Variants in ZNF892 observed in about 807,000 individuals in gnomAD.
The protein encoded by ZNF892 is zinc finger protein 892.
the ZNF892 span, among the ~76,000 whole-genome samples, chr2:95,246,765 A>G: frequency 2.6e-5 from 4 of 152,210 alleles, no homozygotes; most frequent in Admixed American, 6.5e-5. Flanking sequence ...CATAATGGCT[A>G]TAAAAAGAAT....
the ZNF892 span, chr2:95,214,829 T>C: frequency 4.1e-6 from 2 of 488,458 alleles, no homozygotes; most frequent in East Asian, 6.3e-5. Flanking sequence ...TACACCTTAC[T>C]CTGCACCAGA....
the ZNF892 span, among the ~76,000 whole-genome samples, chr2:95,258,108 G>T: frequency 6.6e-6 from 1 of 152,182 alleles, no homozygotes; most frequent in Non-Finnish European, 1.5e-5. Context: ...CCAGTGAGAT[G>T]AACCTGGTAC....
At chr2:95,254,619 T>C in the ZNF892 span, among the ~76,000 whole-genome samples, 1 of 152,218 alleles carries the variant, frequency 6.6e-6, no homozygotes. Flanking sequence ...GAGGATTCCC[T>C]CTTTTTCTAT....
the ZNF892 span, among the ~76,000 whole-genome samples, chr2:95,219,883 G>A: frequency 1.3e-5 from 2 of 152,182 alleles, no homozygotes; most frequent in Admixed American, 1.3e-4. Flanking sequence ...GGCCTCTGCT[G>A]ACACCACACT....
chr2:95,242,595 A>G, the ZNF892 span, among the ~76,000 whole-genome samples: 5 of 152,214 alleles, frequency 3.3e-5, no homozygotes, highest in East Asian at 1.9e-4. Context: ...CAAGTCTGCA[A>G]TATAACCAGC....
At chr2:95,254,070 ATTTCT>A in the ZNF892 span, among the ~76,000 whole-genome samples, 1 of 152,080 alleles carries the variant, frequency 6.6e-6, no homozygotes, top group South Asian at 2.1e-4. Flanking sequence ...AATACCCTTT[ATTTCT>A]TTCTCCTGCC....
At chr2:95,216,424 G>C in the ZNF892 span, among the ~76,000 whole-genome samples, 12 of 152,208 alleles carry the variant, frequency 7.9e-5, no homozygotes, top group Non-Finnish European at 1.6e-4. Flanking sequence ...AGTTATCTGA[G>C]TTACCTGAGA....
chr2:95,245,669 AAATGATAAGGGGGATATC>A, the ZNF892 span, among the ~76,000 whole-genome samples: 1 of 152,058 alleles, frequency 6.6e-6, no homozygotes, highest in Non-Finnish European at 1.5e-5. Flanking sequence ...ACACAATCAG[AAATGATAAGGGGGATATC>A]TTCACTGACC....
the ZNF892 span, chr2:95,211,846 A>G: frequency 2.5e-6 from 1 of 396,944 alleles, no homozygotes; most frequent in African/African-American, 2.1e-5. Context: ...GAGACAGGCA[A>G]TTTCTGCCTT....
chr2:95,222,460 A>G, the ZNF892 span, among the ~76,000 whole-genome samples: 1 of 152,200 alleles, frequency 6.6e-6, no homozygotes, highest in African/African-American at 2.4e-5. Context: ...ACGTATGAAG[A>G]TGTGGTTGCT....
chr2:95,227,814 C>A, the ZNF892 span, among the ~76,000 whole-genome samples: 1 of 151,830 alleles, frequency 6.6e-6, no homozygotes, highest in Non-Finnish European at 1.5e-5. Flanking sequence ...GATAGGGTCT[C>A]GCTATGGTAC....
At chr2:95,239,637 C>T in the ZNF892 span, among the ~76,000 whole-genome samples, 2 of 151,722 alleles carry the variant, frequency 1.3e-5, no homozygotes, top group African/African-American at 2.4e-5. Context: ...CTCACTCTGT[C>T]GCCCAGGCTG....
the ZNF892 span, among the ~76,000 whole-genome samples, chr2:95,246,785 A>G: frequency 6.6e-6 from 1 of 152,238 alleles, no homozygotes; most frequent in Non-Finnish European, 1.5e-5. Context: ...TGAAATACCT[A>G]GGAATACAGC....
At chr2:95,242,574 A>G in the ZNF892 span, among the ~76,000 whole-genome samples, 102 of 152,352 alleles carry the variant, frequency 6.7e-4, 1 homozygote, top group Non-Finnish European at 1.2e-3. Context: ...ACTATGAAGC[A>G]ATTGCATAAA....
chr2:95,241,761 C>T, the ZNF892 span, among the ~76,000 whole-genome samples: 14 of 152,174 alleles, frequency 9.2e-5, no homozygotes, highest in African/African-American at 3.4e-4. Flanking sequence ...TAAAATGATA[C>T]AGGAGCTGAC....
the ZNF892 span, among the ~76,000 whole-genome samples, chr2:95,226,362 T>C: frequency 6.6e-6 from 1 of 152,226 alleles, no homozygotes; most frequent in Non-Finnish European, 1.5e-5. Flanking sequence ...ATTGTCAGTT[T>C]CTGTTGACTG....
chr2:95,234,826 C>T, the ZNF892 span, among the ~76,000 whole-genome samples: 3 of 152,340 alleles, frequency 2.0e-5, no homozygotes, highest in South Asian at 6.2e-4. Flanking sequence ...TGAAAACTAA[C>T]CCTCTTTGGG....
chr2:95,206,525 C>G, the ZNF892 span, among the ~76,000 whole-genome samples: 3 of 152,118 alleles, frequency 2.0e-5, no homozygotes, highest in Admixed American at 1.3e-4. Context: ...AATCAAAAAA[C>G]AAATGGTTAC....
At chr2:95,209,610 A>G in the ZNF892 span, among the ~76,000 whole-genome samples, 1 of 152,180 alleles carries the variant, frequency 6.6e-6, no homozygotes, top group Non-Finnish European at 1.5e-5. Context: ...GGTACTGATG[A>G]TCCTTATAAA....
Sources: gnomAD v4.1 joint callset for allele counts (sites outside exome capture counted in the v4.1 genomes callset) on GRCh38, gnomAD v4.1.1 for gene constraint, MANE v1.5 for transcripts, NCBI Gene and HGNC (gene_info 2026-07-23, HGNC 2026-07-21) for gene names.